The following VPS13C variants were observed in gnomAD, a reference collection of about 807,000 sequenced individuals.
The protein encoded by VPS13C is vacuolar protein sorting 13 homolog C, also known as intermembrane lipid transfer protein VPS13C.
In VPS13C, 358 loss-of-function variants were observed where a neutral mutation model predicts 456.8. The ratio of observed to expected loss-of-function variants is 0.78; its 90% CI spans 0.72 to 0.86. The LOEUF is 0.86. Among genes scored for constraint, VPS13C ranks in the 40% least tolerant of loss-of-function variants. The pLI is 0.00. For synonymous variants in VPS13C, 1,578 were observed against 1,486.7 expected (o/e 1.06, Z -1.41); for missense variants, 4,818 against 4,385.4 (o/e 1.10, Z -2.79).
At chr15:61,874,527 A>C (rs1259504607) in intron 77 of VPS13C, among the ~76,000 whole-genome samples, 2 of 152,074 alleles carry the variant, frequency 1.3e-5, no homozygotes, top group Non-Finnish European at 2.9e-5. Flanking sequence ...TATAAACAGC[A>C]TTATCACAAT....
rs2048962362 is a variant in VPS13C, at chr15:62,060,338, G to A, written c.37C>T (p.Arg13Cys). 1 of 1,604,530 alleles carries A rather than the reference G, an allele frequency of 6.2e-7. No individual in the cohort carries two copies. Among genetic ancestry groups the A allele is most frequent in the Non-Finnish European group, 8.5e-7 (1 of 1,176,182 alleles). ...TTCTCCACATAGTCCCCCAGGAAGCGGTTCAGCAAGTCCGCGACCACCGAC... is the reference window on the plus strand; with the variant it reads ...TTCTCCACATAGTCCCCCAGGAAGCAGTTCAGCAAGTCCGCGACCACCGAC... ...LESVVADLLN[R>C]FLGDYVENLN... Residue 13 changes from arginine (R) to cysteine (C), a missense_variant, in exon 1 of 85, where the codon CGC becomes TGC. Physicochemically the swap from Arg to Cys is radical, Grantham distance 180. Coordinates refer to ENST00000644861, the MANE Select transcript of VPS13C (RefSeq NM_020821.3).
At chr15:61,876,701 A>C (rs1476242643) in intron 75 of VPS13C, among the ~76,000 whole-genome samples, 2 of 152,012 alleles carry the variant, frequency 1.3e-5, no homozygotes, top group Non-Finnish European at 2.9e-5. Context: ...GAAGAAATCA[A>C]GTATAATGAC....
intron 6 of VPS13C, among the ~76,000 whole-genome samples, chr15:62,025,629 C>G (rs761812424): frequency 3.7e-4 from 57 of 152,052 alleles, no homozygotes; most frequent in Admixed American, 1.4e-3. Flanking sequence ...TCTTTCATCT[C>G]AATGGCAGAT....
intron 52 of VPS13C, among the ~76,000 whole-genome samples, chr15:61,926,455 T>C (rs1255811418): frequency 6.6e-6 from 1 of 152,178 alleles, no homozygotes; most frequent in East Asian, 1.9e-4. Flanking sequence ...GTGACATGTA[T>C]AAAGACGATC....
rs539201783 is a variant in VPS13C at position 62,020,871 on chromosome 15, T to C, written c.625-333A>G. ...GTATAATCAAAGATTTTTTCACAGA[T>C]AAATTTTAAAAGGTGTTACAGATAA... On this transcript the variant is annotated intron_variant, in intron 8 of 84. Coordinates refer to ENST00000644861, the MANE Select transcript of VPS13C (RefSeq NM_020821.3). Among the ~76,000 whole-genome samples the C allele has an allele frequency of 8.2e-4, 125 of 152,072 alleles. 1 individual carries two copies. The highest frequency in any genetic ancestry group is 2.7e-3 in the African/African-American group (114 of 41,524).
intron 1 of VPS13C, among the ~76,000 whole-genome samples, chr15:62,059,826 A>C (rs1049410224): frequency 6.6e-6 from 1 of 152,232 alleles, no homozygotes; most frequent in Admixed American, 6.5e-5. Flanking sequence ...AATGATAGTG[A>C]AGATAACTGC....
At chr15:62,045,999 A>AT in intron 1 of VPS13C, among the ~76,000 whole-genome samples, 1 of 152,124 alleles carries the variant, frequency 6.6e-6, no homozygotes, top group East Asian at 1.9e-4. Context: ...AAAAATAAAA[A>AT]ACTGTAAGAT....
Position 61,856,404 on chromosome 15 carries a change from A to T in VPS13C, c.10958T>A (p.Val3653Glu), listed in dbSNP as rs769559111. 1 of 1,610,310 alleles carries T rather than the reference A, an allele frequency of 6.2e-7. No homozygotes were observed. The highest frequency in any genetic ancestry group is 2.2e-5 in the East Asian group (1 of 44,666). ...GATTTCAACTTCCTTTATACACAACACTCGCCTATTTTGCAAAAGAAAACA... is the reference window on the plus strand; with the variant it reads ...GATTTCAACTTCCTTTATACACAACTCTCGCCTATTTTGCAAAAGAAAACA... ...KTILMVTNRRVLCIKEVEILG... is the reference protein window; with the variant it reads ...KTILMVTNRRELCIKEVEILG... Residue 3653 changes from valine (V) to glutamate (E), a missense_variant, in exon 83 of 85, where the codon GTG becomes GAG. By Grantham distance (121) the Val-to-Glu change is moderately radical (BLOSUM62 -2). Transcript: ENST00000644861.
chr15:61,913,528 A>AAT (rs1292611334), intron 61 of VPS13C, 113 bp from the exon 62 acceptor site: 5 of 834,072 alleles, frequency 6.0e-6, no homozygotes, highest in Non-Finnish European at 3.7e-6. Context: ...GGGACACAGA[A>AAT]ATATATAATC....
intron 80 of VPS13C, among the ~76,000 whole-genome samples, chr15:61,869,028 A>C (rs1425819948): frequency 6.6e-6 from 1 of 152,168 alleles, no homozygotes; most frequent in Non-Finnish European, 1.5e-5. Flanking sequence ...GGTGTCTAGC[A>C]CAGGGCTTGG....
chr15:62,037,528 A>ATTATATTGTAAGAATATAATAAATTTATT (rs1303884614), intron 3 of VPS13C, among the ~76,000 whole-genome samples: 1 of 54,102 alleles, frequency 1.8e-5, no homozygotes. Flanking sequence ...TATAATAAAT[A>ATTATATTGTAAGAATATAATAAATTTATT]ATGCAAAATT....
chr15:62,010,177 G>A (rs1212928351), intron 13 of VPS13C, among the ~76,000 whole-genome samples: 2 of 150,904 alleles, frequency 1.3e-5, no homozygotes, highest in Non-Finnish European at 2.9e-5. Flanking sequence ...GCAACAGAGT[G>A]AGACTCCATC....
intron 27 of VPS13C, among the ~76,000 whole-genome samples, chr15:61,970,739 C>A (rs374677678): frequency 6.6e-6 from 1 of 151,580 alleles, no homozygotes; most frequent in Non-Finnish European, 1.5e-5. Flanking sequence ...TTAAGACATT[C>A]TTTATCACCA....
intron 18 of VPS13C, among the ~76,000 whole-genome samples, chr15:61,989,446 A>G (rs1366725249): frequency 6.6e-6 from 1 of 152,078 alleles, no homozygotes; most frequent in Non-Finnish European, 1.5e-5. Flanking sequence ...TTGTGGGCAG[A>G]CAGACTTGCA....
intron 82 of VPS13C, among the ~76,000 whole-genome samples, chr15:61,862,022 C>A (rs965379084): frequency 1.3e-5 from 2 of 152,126 alleles, no homozygotes; most frequent in Non-Finnish European, 2.9e-5. Flanking sequence ...ATCACTTGAA[C>A]CCAGGAGGCA....
intron 17 of VPS13C, 39 bp from the exon 18 acceptor site, chr15:61,991,133 A>C (rs775538067): frequency 7.0e-7 from 1 of 1,433,654 alleles, no homozygotes; most frequent in Non-Finnish European, 9.6e-7. Context: ...AATTGCTTCC[A>C]TTTTACAAAT....
intron 38 of VPS13C, among the ~76,000 whole-genome samples, chr15:61,952,565 CATCT>C (rs1173666946): frequency 6.6e-6 from 1 of 152,058 alleles, no homozygotes; most frequent in African/African-American, 2.4e-5. Flanking sequence ...TAGAATGATT[CATCT>C]ATCAATGTTT....
Position 62,033,413 on chromosome 15 carries a change from C to T in VPS13C, c.385+28G>A, listed in dbSNP as rs375279573. 4.2e-5 allele frequency: 62 copies of T among 1,480,688 alleles called. 1 individual carries two copies. The Middle Eastern group carries it at 7.4e-4, about 18-fold the overall frequency. 91.7% of individuals were successfully genotyped at this position (1,480,688 alleles called of 1,614,324 possible). A position where few individuals can be genotyped will look rare whatever the true frequency, so the allele number is the denominator to read the frequency against. On this transcript the variant is annotated intron_variant, in intron 5 of 84. Coordinates refer to ENST00000644861, the MANE Select transcript of VPS13C (RefSeq NM_020821.3). ...AATTATATCTAAAATATAGGTATGT[C>T]TAAGTTTATCTCAAAAAAACTTTTT...
intron 3 of VPS13C, among the ~76,000 whole-genome samples, chr15:62,039,557 T>C (rs1285628596): frequency 1.3e-5 from 2 of 151,982 alleles, no homozygotes; most frequent in Non-Finnish European, 2.9e-5. Context: ...AAGATCTGAA[T>C]AGACATTTCT....
Sources: gnomAD v4.1 joint callset for allele counts (sites outside exome capture counted in the v4.1 genomes callset) on GRCh38, gnomAD v4.1.1 for gene constraint, MANE v1.5 for transcripts, NCBI Gene and HGNC (gene_info 2026-07-23, HGNC 2026-07-21) for gene names.